The following BCAS3 variants were observed in gnomAD, a reference collection of about 807,000 sequenced individuals.
BCAS3 encodes BCAS4/BCAS3 fusion.
A neutral mutation model predicts 116.1 loss-of-function variants in BCAS3; 53 were observed. That is an observed-to-expected ratio of 0.46 (90% confidence interval 0.37 to 0.57). The LOEUF is 0.57. Ranked by LOEUF, BCAS3 falls within the 20% of genes least tolerant of loss-of-function variation. BCAS3 has a pLI of 0.00. For missense variants in BCAS3, 917 were observed against 1,165.4 expected (o/e 0.79, Z 3.10); for synonymous variants, 391 against 408.2 (o/e 0.96, Z 0.51).
intron 22 of BCAS3, among the ~76,000 whole-genome samples, chr17:61,284,460 C>G (rs1025805954): frequency 6.6e-6 from 1 of 152,188 alleles, no homozygotes; most frequent in Non-Finnish European, 1.5e-5. Context: ...TCTCAAGGAA[C>G]AAACTCCAGA....
chr17:60,741,202 G>A (rs1160946430), intron 5 of BCAS3, among the ~76,000 whole-genome samples: 4 of 152,218 alleles, frequency 2.6e-5, no homozygotes, highest in Admixed American at 2.0e-4. Context: ...GCTCTATGAC[G>A]TCATTTTTCT....
rs540780893 is a variant in BCAS3 at position 61,216,450 on chromosome 17, A to G, written c.2425+131886A>G. Among the ~76,000 whole-genome samples the G allele has an allele frequency of 3.3e-5, 5 of 152,376 alleles. No individual in the cohort carries two copies. In the South Asian group the frequency reaches 1.0e-3, roughly 32 times the overall value. On this transcript the variant is annotated intron_variant, in intron 22 of 23. Coordinates refer to ENST00000407086, the MANE Select transcript of BCAS3 (RefSeq NM_017679.5). ...TTAACAGCTCAAATCGACATATCAA[A>G]TTGAAACGTGTAGGATTATAGTATG...
intron 5 of BCAS3, among the ~76,000 whole-genome samples, chr17:60,717,790 T>C (rs548107584): frequency 6.6e-6 from 1 of 152,160 alleles, no homozygotes; most frequent in South Asian, 2.1e-4. Context: ...GGGGATAGTT[T>C]CAGTATGATT....
chr17:60,988,633 G>A (rs113984717), intron 14 of BCAS3, among the ~76,000 whole-genome samples: 4 of 151,974 alleles, frequency 2.6e-5, no homozygotes, highest in African/African-American at 4.8e-5. Context: ...TAGGTTGTAC[G>A]TGTCTGGGAA....
chr17:61,264,667 C>T (rs1339083448), intron 22 of BCAS3, among the ~76,000 whole-genome samples: 4 of 152,140 alleles, frequency 2.6e-5, no homozygotes, highest in South Asian at 2.1e-4. Flanking sequence ...CTCGGCCTCC[C>T]GAAGTGCTGG....
rs1056329243 is a variant in BCAS3 at position 61,307,790 on chromosome 17, T to C, written c.2426-60537T>C. Reference sequence around the variant, plus strand: ...AGTTAAGTGTATTTAATTCATACTTTTAATTCATTTTTTTGTAATACCTTC... The same window carrying C: ...AGTTAAGTGTATTTAATTCATACTTCTAATTCATTTTTTTGTAATACCTTC... On this transcript the variant is annotated intron_variant, in intron 22 of 23. Transcript: ENST00000407086. This position sits in a 1 kb window ranked among gnomAD's most constrained non-coding sequence, Gnocchi z 4.7. Among the ~76,000 whole-genome samples the C allele has an allele frequency of 3.9e-5, 6 of 152,230 alleles. No individual in the cohort carries two copies. Among genetic ancestry groups the C allele is most frequent in the Non-Finnish European group, 8.8e-5 (6 of 68,040 alleles).
chr17:60,887,310 CGGT>C (rs2056771202), intron 9 of BCAS3: 3 of 84,404 alleles, frequency 3.6e-5, no homozygotes, highest in African/African-American at 5.6e-4. Context: ...GGCTCGCGCA[CGGT>C]GCACGGTGCG....
At chr17:61,207,006 C>A (rs2081183461) in intron 22 of BCAS3, among the ~76,000 whole-genome samples, 1 of 151,518 alleles carries the variant, frequency 6.6e-6, no homozygotes, top group Admixed American at 6.6e-5. Flanking sequence ...GAAGAAGTGA[C>A]ACGTAAGCTA....
intron 22 of BCAS3, among the ~76,000 whole-genome samples, chr17:61,311,184 T>G (rs1386498843): frequency 6.6e-6 from 1 of 152,252 alleles, no homozygotes; most frequent in Non-Finnish European, 1.5e-5. Flanking sequence ...ACATATCTTA[T>G]GTGAATGTGC....
chr17:60,971,185 G>A (rs897835397), intron 14 of BCAS3, among the ~76,000 whole-genome samples: 1 of 152,164 alleles, frequency 6.6e-6, no homozygotes, highest in African/African-American at 2.4e-5. Context: ...CCCCAAAGAG[G>A]TGCATCTGTA....
intron 6 of BCAS3, among the ~76,000 whole-genome samples, chr17:60,757,740 G>A (rs893251923): frequency 3.3e-5 from 5 of 151,888 alleles, no homozygotes; most frequent in Non-Finnish European, 7.4e-5. Context: ...TGTTTCCTTT[G>A]CTGTATGGAA....
intron 6 of BCAS3, among the ~76,000 whole-genome samples, chr17:60,755,035 A>G (rs2042874889): frequency 6.6e-6 from 1 of 152,146 alleles, no homozygotes; most frequent in Non-Finnish European, 1.5e-5. Context: ...GTAAATTGTA[A>G]CTTGAGAACA....
chr17:61,201,759 CTTTTTTTT>C, intron 22 of BCAS3, among the ~76,000 whole-genome samples: 1 of 142,208 alleles, frequency 7.0e-6, no homozygotes, highest in African/African-American at 2.6e-5. Flanking sequence ...AGGAAACTAA[CTTTTTTTT>C]TTTTTTTTTG....
At chr17:60,942,938 A>AT (rs1332902476) in intron 13 of BCAS3, among the ~76,000 whole-genome samples, 1 of 152,212 alleles carries the variant, frequency 6.6e-6, no homozygotes, top group Non-Finnish European at 1.5e-5. Context: ...ATAAAGTTAG[A>AT]TATGTGTATT....
chr17:61,163,367 T>G (rs2078281352), intron 22 of BCAS3, among the ~76,000 whole-genome samples: 1 of 148,406 alleles, frequency 6.7e-6, no homozygotes, highest in South Asian at 2.1e-4. Flanking sequence ...GAGCTTGCAG[T>G]GAGCCGAGAT....
chr17:60,983,684 A>G (rs146530104), intron 14 of BCAS3, among the ~76,000 whole-genome samples: 315 of 152,298 alleles, frequency 2.1e-3, no homozygotes, highest in Non-Finnish European at 3.6e-3. Context: ...CTTTTTATTG[A>G]CAGACCAGGA....
intron 7 of BCAS3, among the ~76,000 whole-genome samples, chr17:60,814,471 G>A (rs570703768): frequency 2.2e-4 from 34 of 151,884 alleles, no homozygotes; most frequent in African/African-American, 7.5e-4. Context: ...GGAGTCTTTC[G>A]GGTCTTCTAG....
chr17:60,977,611 C>T (rs1484965042), intron 14 of BCAS3, among the ~76,000 whole-genome samples: 2 of 151,658 alleles, frequency 1.3e-5, no homozygotes, highest in Non-Finnish European at 2.9e-5. Flanking sequence ...ACTAACTCGT[C>T]ATCTAGCATT....
intron 5 of BCAS3, among the ~76,000 whole-genome samples, chr17:60,713,042 T>G (rs2144034959): frequency 6.6e-6 from 1 of 152,140 alleles, no homozygotes; most frequent in Non-Finnish European, 1.5e-5. Flanking sequence ...GTTGAAGAAA[T>G]TTCAGAAAGG....
Sources: allele counts gnomAD v4.1 joint callset (sites outside exome capture counted in the v4.1 genomes callset), GRCh38; gene constraint gnomAD v4.1.1; non-coding constraint Gnocchi (gnomAD v3.1); transcripts MANE v1.5; gene names NCBI Gene and HGNC (gene_info 2026-07-23, HGNC 2026-07-21).